The following ZNF560 variants were observed in gnomAD, a reference collection of about 807,000 sequenced individuals.
ZNF560 encodes the protein zinc finger protein 560.
A neutral mutation model predicts 81.8 loss-of-function variants in ZNF560; 54 were observed. The ratio of observed to expected loss-of-function variants is 0.66; its 90% CI spans 0.53 to 0.83. The LOEUF (loss-of-function observed/expected upper bound fraction) is 0.83. Among genes scored for constraint, ZNF560 ranks in the 40% least tolerant of loss-of-function variants. ZNF560 has a pLI of 0.00. For missense variants in ZNF560, 940 were observed against 932.4 expected (o/e 1.01, Z -0.11); for synonymous variants, 321 against 317.9 (o/e 1.01, Z -0.10).
the ZNF560 span, among the ~76,000 whole-genome samples, chr19:9,449,428 A>G: frequency 5.3e-5 from 8 of 152,324 alleles, no homozygotes; most frequent in African/African-American, 1.9e-4. Flanking sequence ...TTAAGGTGGA[A>G]ATTTAAAAAT....
rs551191817 is a variant in ZNF560, at chr19:9,483,381, G to A, written c.-56-8012C>T. Among the ~76,000 whole-genome samples, 228 of 148,618 alleles carry A rather than the reference G, an allele frequency of 1.5e-3. 7 individuals carry two copies. In the East Asian group the frequency reaches 0.039, roughly 26 times the overall value. On this transcript the variant is annotated intron_variant, in intron 2 of 9. Coordinates refer to ENST00000301480, the MANE Select transcript of ZNF560 (RefSeq NM_152476.3). ...CGTCTGAGAAGTGAGGAGCCCCTCC[G>A]CCCAGCAGCCGCCCCGTCTGAGAAG...
chr19:9,476,775 C>A (rs1024534767), intron 2 of ZNF560, among the ~76,000 whole-genome samples: 4 of 152,106 alleles, frequency 2.6e-5, no homozygotes, highest in African/African-American at 9.7e-5. Context: ...AACCTCTTTT[C>A]TTTATAATTA....
intron 2 of ZNF560, among the ~76,000 whole-genome samples, chr19:9,481,648 A>G (rs1488128755): frequency 3.3e-5 from 5 of 152,280 alleles, no homozygotes. Flanking sequence ...GAAGATATGT[A>G]TGCAGCCAAC....
chr19:9,480,884 G>A (rs560051807), intron 2 of ZNF560, among the ~76,000 whole-genome samples: 23 of 152,188 alleles, frequency 1.5e-4, no homozygotes, highest in African/African-American at 3.4e-4. Flanking sequence ...TCAGGAATTC[G>A]AGACCAGCCT....
At chr19:9,448,606 G>A in the ZNF560 span, among the ~76,000 whole-genome samples, 149 of 152,006 alleles carry the variant, frequency 9.8e-4, no homozygotes, top group South Asian at 2.3e-3. Flanking sequence ...ACCTAAGTAC[G>A]CAGCCCACAG....
chr19:9,462,772 A>C (rs1168782535), downstream of ZNF560, among the ~76,000 whole-genome samples: 1 of 152,216 alleles, frequency 6.6e-6, no homozygotes, highest in Non-Finnish European at 1.5e-5. Flanking sequence ...ATTTTAAAAA[A>C]ACTTTTATTT....
intron 2 of ZNF560, among the ~76,000 whole-genome samples, chr19:9,482,694 G>T (rs75808906): frequency 5.1e-4 from 56 of 109,036 alleles, no homozygotes; most frequent in Admixed American, 9.9e-4. Flanking sequence ...CTCTTTCCAC[G>T]GTCTCCCTCT....
At chr19:9,453,346 T>C in the ZNF560 span, among the ~76,000 whole-genome samples, 1 of 152,184 alleles carries the variant, frequency 6.6e-6, no homozygotes, top group Non-Finnish European at 1.5e-5. Flanking sequence ...TCAACACAAC[T>C]TTTCTACAGA....
intron 2 of ZNF560, among the ~76,000 whole-genome samples, chr19:9,487,355 A>G (rs1041147904): frequency 6.6e-6 from 1 of 152,342 alleles, no homozygotes; most frequent in Middle Eastern, 3.4e-3. Context: ...CAAAAGGACA[A>G]AGGGCACTTA....
chr19:9,485,967 A>G (rs2073378106), intron 2 of ZNF560, among the ~76,000 whole-genome samples: 1 of 152,232 alleles, frequency 6.6e-6, no homozygotes, highest in Non-Finnish European at 1.5e-5. Flanking sequence ...GGCATCTGCC[A>G]TAACCCATGG....
chr19:9,485,428 A>C (rs550205703), intron 2 of ZNF560, among the ~76,000 whole-genome samples: 1 of 151,584 alleles, frequency 6.6e-6, no homozygotes, highest in South Asian at 2.1e-4. Context: ...GAATCATATG[A>C]TCTTGTCAAC....
chr19:9,471,176 C>T (rs2073114889), intron 6 of ZNF560, 120 bp downstream of exon 6: 1 of 650,490 alleles, frequency 1.5e-6, no homozygotes, highest in Non-Finnish European at 2.5e-6. Context: ...TCTCCAGAGA[C>T]ATTGCTCCCT....
At position 9,467,666 on chromosome 19, in the gene ZNF560, G is replaced by A; in HGVS notation, c.1281C>T (p.Ala427=). 1 of 1,613,624 alleles carries A rather than the reference G, an allele frequency of 6.2e-7. No individual in the cohort carries two copies. The highest frequency in any genetic ancestry group is 8.5e-7 in the Non-Finnish European group (1 of 1,179,920). Residue 427 remains alanine (A), a synonymous_variant, in exon 10 of 10, where the codon GCC becomes GCT. Coordinates refer to ENST00000301480, the MANE Select transcript of ZNF560 (RefSeq NM_152476.3). ...GGTCACATTTAAAGGTTTTCTCTCT[G>A]GCGTGACATCTTATATGTTCAATAA... ...AGLIEHIRCH[A]REKTFKCDHC...
At chr19:9,465,376 G>A (rs1198894253), downstream of ZNF560, among the ~76,000 whole-genome samples, 2 of 152,244 alleles carry the variant, frequency 1.3e-5, no homozygotes, top group Non-Finnish European at 1.5e-5. Context: ...TTGACCTCGT[G>A]ATCCACCTGC....
upstream of ZNF560, among the ~76,000 whole-genome samples, chr19:9,502,834 C>T (rs1349025178): frequency 6.6e-6 from 1 of 152,052 alleles, no homozygotes; most frequent in East Asian, 1.9e-4. Context: ...TAATTATTTG[C>T]ATCTTCTGCC....
chr19:9,481,754 C>T (rs2073292955), intron 2 of ZNF560, among the ~76,000 whole-genome samples: 1 of 152,278 alleles, frequency 6.6e-6, no homozygotes, highest in South Asian at 2.1e-4. Context: ...GAATGGCGAT[C>T]ATTAAAAAGT....
At chr19:9,470,345 T>C in intron 7 of ZNF560, 47 bp downstream of exon 7, 1 of 1,564,932 alleles carries the variant, frequency 6.4e-7, no homozygotes, top group East Asian at 2.2e-5. Context: ...AGTACATAAT[T>C]TGTATCTTGT....
intron 3 of ZNF560, 88 bp from the exon 4 acceptor site, chr19:9,474,413 TAAAG>T (rs1156626229): frequency 1.4e-6 from 2 of 1,454,580 alleles, no homozygotes; most frequent in Non-Finnish European, 1.9e-6. Context: ...CCAATGCCTA[TAAAG>T]AGTTGTGAGG....
chr19:9,473,401 A>G, intron 4 of ZNF560, 142 bp from the exon 5 acceptor site: 2 of 573,836 alleles, frequency 3.5e-6, no homozygotes, highest in Non-Finnish European at 3.1e-6. Flanking sequence ...AGATGGTGAA[A>G]CCCCCGTCTC....
Sources: gnomAD v4.1 joint callset for allele counts (sites outside exome capture counted in the v4.1 genomes callset) on GRCh38, gnomAD v4.1.1 for gene constraint, MANE v1.5 for transcripts, NCBI Gene and HGNC (gene_info 2026-07-23, HGNC 2026-07-21) for gene names.